Variants in ITCH observed in about 807,000 individuals in gnomAD.
ITCH encodes E3 ubiquitin-protein ligase Itchy homolog.
ITCH carries 28 observed loss-of-function variants against 126.8 expected under a neutral mutation model. That is an observed-to-expected ratio of 0.22 (90% CI 0.16 to 0.30). The LOEUF (loss-of-function observed/expected upper bound fraction) is 0.30. Among genes scored for constraint, ITCH ranks in the 10% least tolerant of loss-of-function variants. The probability of loss-of-function intolerance (pLI) is 1.00; values close to 1 mark genes in which losing one functional copy is unlikely to be tolerated. For missense variants in ITCH, 631 were observed against 1,032.4 expected (o/e 0.61, Z 5.33); for synonymous variants, 342 against 340.0 (o/e 1.01, Z -0.06).
intron 4 of ITCH, among the ~76,000 whole-genome samples, chr20:34,410,344 C>G (rs1978821372): frequency 6.7e-6 from 1 of 150,312 alleles, no homozygotes; most frequent in Non-Finnish European, 1.5e-5. Flanking sequence ...CATTGCGTTC[C>G]AGCCAGGGTG....
Position 34,462,172 on chromosome 20 carries a change from A to G in ITCH, c.1375A>G (p.Asn459Asp), listed in dbSNP as rs1986590915. Residue 459 changes from asparagine to aspartate, a missense_variant, in exon 14 of 25, where the codon AAT (asparagine) becomes GAT (aspartate). By Grantham distance (23) the Asn-to-Asp change is conservative (BLOSUM62 1). Transcript: ENST00000374864. ...VDGIPYFVDH[N>D]RRTTTYIDPR... ...TGGAATTCCATATTTTGTGGACCACAATAGAAGAACTACCACCTATATAGA... is the reference window on the plus strand; with the variant it reads ...TGGAATTCCATATTTTGTGGACCACGATAGAAGAACTACCACCTATATAGA... 1 of 1,613,842 alleles carries G rather than the reference A, an allele frequency of 6.2e-7. No individual in the cohort carries two copies. Among genetic ancestry groups the G allele is most frequent in the Admixed American group, 1.7e-5 (1 of 60,002 alleles).
intron 24 of ITCH, among the ~76,000 whole-genome samples, chr20:34,507,263 GTT>G (rs776161631): frequency 3.1e-4 from 12 of 39,180 alleles, no homozygotes; most frequent in Non-Finnish European, 4.4e-4. Context: ...GTTTTCTTCT[GTT>G]TTTTTTTTTT....
intron 8 of ITCH, 57 bp from the exon 9 acceptor site, chr20:34,440,098 A>T: frequency 8.0e-7 from 1 of 1,254,276 alleles, no homozygotes; most frequent in Non-Finnish European, 1.2e-6. Context: ...TTAAAATTCT[A>T]TCCTGAATTT....
At chr20:34,392,412 A>G (rs557550591) in intron 2 of ITCH, among the ~76,000 whole-genome samples, 57 of 152,222 alleles carry the variant, frequency 3.7e-4, no homozygotes, top group Non-Finnish European at 7.1e-4. Flanking sequence ...CTTATGGTTG[A>G]GACGAAATTT....
chr20:34,406,229 A>G (rs1009133328), intron 3 of ITCH, among the ~76,000 whole-genome samples: 2 of 150,898 alleles, frequency 1.3e-5, no homozygotes, highest in Non-Finnish European at 3.0e-5. Flanking sequence ...GGGTCTCACT[A>G]TGTTGACCAG....
Position 34,395,211 on chromosome 20 carries a change from C to T in ITCH, c.70+1330C>T, listed in dbSNP as rs1242772200. Among the ~76,000 whole-genome samples the T allele has an allele frequency of 7.5e-5, 11 of 147,156 alleles. 1 individual carries two copies. In the South Asian group the frequency reaches 1.9e-3, roughly 26 times the overall value. ...TCATGCCATTGCACTCCAGCCTGGG[C>T]GACAGAGCGAGACTCCATCTCAAAA... On this transcript the variant is annotated intron_variant, in intron 3 of 24. Coordinates refer to ENST00000374864, the MANE Select transcript of ITCH (RefSeq NM_031483.7).
intron 11 of ITCH, among the ~76,000 whole-genome samples, chr20:34,448,243 G>A (rs906169052): frequency 1.3e-4 from 20 of 151,896 alleles, no homozygotes; most frequent in African/African-American, 4.6e-4. Context: ...AATACAAAAA[G>A]TTAGCTGGGC....
intron 16 of ITCH, chr20:34,475,946 A>G (rs867671377): frequency 4.3e-5 from 64 of 1,491,462 alleles, no homozygotes; most frequent in South Asian, 4.0e-4. Context: ...GCCCACATCA[A>G]TGGATTGTCT....
rs575391366 is a variant in ITCH at position 34,505,212 on chromosome 20, T to C, written c.2489+809T>C. ...GCGCCCGTGACCACGCCCAGCTAAT[T>C]TTTGTATTTTTAGTACAGATGGGGT... On this transcript the variant is annotated intron_variant, in intron 24 of 24. Coordinates refer to ENST00000374864, the MANE Select transcript of ITCH (RefSeq NM_031483.7). Among the ~76,000 whole-genome samples, 3 of 152,022 alleles carry C rather than the reference T, an allele frequency of 2.0e-5. No individual in the cohort carries two copies. In the South Asian group the frequency reaches 6.2e-4, roughly 32 times the overall value.
At chr20:34,452,945 C>T (rs941332588) in intron 12 of ITCH, among the ~76,000 whole-genome samples, 5 of 152,128 alleles carry the variant, frequency 3.3e-5, no homozygotes, top group African/African-American at 9.7e-5. Context: ...GGTGCTTCGC[C>T]AATCAAGTAT....
chr20:34,424,259 C>G (rs1981188602), intron 6 of ITCH, among the ~76,000 whole-genome samples: 1 of 152,078 alleles, frequency 6.6e-6, no homozygotes, highest in Admixed American at 6.6e-5. Flanking sequence ...CATCCCGTAT[C>G]CATTAATTAT....
rs6119500 is a variant in ITCH, at chr20:34,467,539, A to G, written c.1425-2509A>G. Among the ~76,000 whole-genome samples, 191 of 151,324 alleles carry G rather than the reference A, an allele frequency of 1.3e-3. 1 individual carries two copies. Among genetic ancestry groups the G allele is most frequent in the African/African-American group, 4.4e-3 (182 of 41,310 alleles). On this transcript the variant is annotated intron_variant, in intron 14 of 24. Transcript: ENST00000374864. Reference sequence around the variant, plus strand: ...CCCTGTCTCAAAAAAAAAAAAAAAGAAAAAAAAGATTTCTCATGAAGAAAA... The same window carrying G: ...CCCTGTCTCAAAAAAAAAAAAAAAGGAAAAAAAGATTTCTCATGAAGAAAA...
chr20:34,440,310 T>G lies in ITCH; in HGVS notation c.835T>G (p.Leu279Val). Reference protein sequence around the residue: ...TISGGSGPRPLNPVTQAPLPP... With the variant: ...TISGGSGPRPVNPVTQAPLPP... The stretch of plus-strand genomic sequence containing the variant: ...ATCTGGAGGCTCAGGCCCTAGGCCA[T>G]TAAATCCTGTAACTCAAGCTCCCTT... Residue 279 changes from leucine (L) to valine (V), a missense_variant, in exon 9 of 25, where the codon TTA becomes GTA. Around this residue, in one of 4 missense-constraint regions of ITCH, gnomAD observed 390 missense variants for 731.6 expected, o/e 0.53. Transcript: ENST00000374864. 1 of 1,614,140 alleles carries G rather than the reference T, an allele frequency of 6.2e-7. No homozygotes were observed.
At chr20:34,397,635 G>A (rs185370091) in intron 3 of ITCH, among the ~76,000 whole-genome samples, 54 of 151,992 alleles carry the variant, frequency 3.6e-4, no homozygotes, top group East Asian at 3.1e-3. Flanking sequence ...GAATTTTTTC[G>A]GATTTCCTTC....
At chr20:34,419,485 CTTT>C (rs1192397617) in intron 6 of ITCH, among the ~76,000 whole-genome samples, 3 of 141,078 alleles carry the variant, frequency 2.1e-5, no homozygotes, top group Non-Finnish European at 1.6e-5. Context: ...TCAGTGTTGC[CTTT>C]TTTTTTTTTT....
chr20:34,438,198 A>G (rs17091794), intron 7 of ITCH, among the ~76,000 whole-genome samples: 10,696 of 152,234 alleles, frequency 0.07, 1,202 homozygotes, highest in African/African-American at 0.24. Context: ...GGCTTATTTG[A>G]AATATGAACC....
Position 34,413,809 on chromosome 20 carries a change from G to A in ITCH, c.405G>A (p.Leu135=). The A allele has an allele frequency of 6.2e-7, 1 of 1,613,530 alleles. No individual in the cohort carries two copies. The highest frequency in any genetic ancestry group is 8.5e-7 in the Non-Finnish European group (1 of 1,179,508). ...DKEPTETIGD[L]SICLDGLQLE... Reference sequence around the variant, plus strand: ...AGCCAACAGAGACAATAGGAGACTTGTCAATTTGTCTTGATGGGCTACAGT... The same window carrying A: ...AGCCAACAGAGACAATAGGAGACTTATCAATTTGTCTTGATGGGCTACAGT... The change falls in exon 6 of 25, where the codon TTG becomes TTA. Residue 135 remains leucine (L), a synonymous_variant. Transcript: ENST00000374864.
chr20:34,393,397 C>T (rs1046717598), intron 2 of ITCH, among the ~76,000 whole-genome samples: 5 of 152,054 alleles, frequency 3.3e-5, no homozygotes, highest in African/African-American at 1.2e-4. Context: ...ATAGTCTTAC[C>T]TACTGGGGAC....
intron 3 of ITCH, among the ~76,000 whole-genome samples, chr20:34,408,113 T>A (rs1978395704): frequency 6.6e-6 from 1 of 152,196 alleles, no homozygotes; most frequent in African/African-American, 2.4e-5. Context: ...TTTAAATTTT[T>A]CCTCCTGTTG....
Sources: allele counts gnomAD v4.1 joint callset (sites outside exome capture counted in the v4.1 genomes callset), GRCh38; gene constraint gnomAD v4.1.1; regional missense constraint gnomAD v4.1.1; transcripts MANE v1.5; gene names NCBI Gene and HGNC (gene_info 2026-07-23, HGNC 2026-07-21).